The following NRXN2 variants were observed in gnomAD, a reference collection of about 807,000 sequenced individuals.
The protein encoded by NRXN2 is neurexin 2.
NRXN2 carries 29 observed loss-of-function variants against 128.8 expected under a neutral mutation model. That is an observed-to-expected ratio of 0.23 (90% confidence interval 0.17 to 0.31). The LOEUF (loss-of-function observed/expected upper bound fraction) is 0.31. Among genes scored for constraint, NRXN2 ranks in the 10% least tolerant of loss-of-function variants. NRXN2 has a pLI of 1.00. For missense variants in NRXN2, 1,881 were observed against 2,452.6 expected (o/e 0.77, Z 4.92); for synonymous variants, 1,098 against 1,075.2 (o/e 1.02, Z -0.41).
At chr11:64,608,570 A>C (rs2040102553) in intron 22 of NRXN2, among the ~76,000 whole-genome samples, 1 of 151,242 alleles carries the variant, frequency 6.6e-6, no homozygotes, top group Non-Finnish European at 1.5e-5. Context: ...TTACATCAAC[A>C]AATAGGCCGT....
intron 17 of NRXN2, among the ~76,000 whole-genome samples, chr11:64,643,701 C>A (rs1306788978): frequency 2.6e-5 from 4 of 151,802 alleles, no homozygotes; most frequent in South Asian, 2.1e-4. Context: ...GCAGCTCAGC[C>A]GCGCGGCACC....
chr11:64,704,617 CACACACAGAG>C (rs1378345156), intron 2 of NRXN2, among the ~76,000 whole-genome samples: 2 of 110,482 alleles, frequency 1.8e-5, no homozygotes, highest in East Asian at 3.5e-4. Context: ...CACACACACA[CACACACAGAG>C]AGAGAGAGAG....
Position 64,623,167 on chromosome 11 carries a change from A to T in NRXN2, c.3848-89T>A. ...GGAAGAAAAGAAGGAAGCCAAGGAG[A>T]GGAAAGAGGAATGGAGGAGAAAGCC... On this transcript the variant is annotated intron_variant, in intron 20 of 22. Transcript: ENST00000265459. This position sits in a 1 kb window ranked among gnomAD's most constrained non-coding sequence, Gnocchi z 4.9. 1.3e-6 allele frequency: 2 copies of T among 1,492,342 alleles called. No individual in the cohort carries two copies. The highest frequency in any genetic ancestry group is 2.7e-5 in the South Asian group (2 of 75,300). 92.4% of individuals were successfully genotyped at this position (1,492,342 alleles called of 1,614,324 possible). A position where few individuals can be genotyped will look rare whatever the true frequency, so the allele number is the denominator to read the frequency against.
At chr11:64,661,702 T>TC (rs2049054455) in intron 9 of NRXN2, among the ~76,000 whole-genome samples, 1 of 152,154 alleles carries the variant, frequency 6.6e-6, no homozygotes, top group African/African-American at 2.4e-5. Flanking sequence ...TCCTTTATGA[T>TC]CCCATTTTGA....
chr11:64,652,253 C>A, intron 12 of NRXN2, 99 bp from the exon 13 acceptor site: 1 of 1,440,424 alleles, frequency 6.9e-7, no homozygotes, highest in Non-Finnish European at 9.4e-7. Context: ...CATCCCCGCA[C>A]ATGCCACACA....
rs2044082535 is a variant in NRXN2, at chr11:64,632,629, G to C, written c.3586-2056C>G. Among the ~76,000 whole-genome samples the C allele has an allele frequency of 6.6e-6, 1 of 152,192 alleles. No homozygotes were observed. The highest frequency in any genetic ancestry group is 6.5e-5 in the Admixed American group (1 of 15,284). ...AGCCAGGCTGGCAGAGTGCCGGCCA[G>C]GGAGCTGGGAGGCAGGACACCTGGG... On this transcript the variant is annotated intron_variant, in intron 18 of 22. Transcript: ENST00000265459. The surrounding 1 kb of genome is among the most constrained non-coding windows in gnomAD (Gnocchi z 4.2).
In NRXN2 at chr11:64,651,202, A is replaced by G. The variant is rs1379948943; in HGVS notation, c.2918+53T>C. On this transcript the variant is annotated intron_variant, in intron 14 of 22. Transcript: ENST00000265459. The surrounding 1 kb of genome is among the most constrained non-coding windows in gnomAD (Gnocchi z 5.9). ...TAGCCAGGAGAGCTGTATGTGGTTC[A>G]GCAGGGGGAGGGGGCCACCTCCTTG... 15 of 1,610,820 alleles carry G rather than the reference A, an allele frequency of 9.3e-6. No individual in the cohort carries two copies. The African/African-American group carries it at 1.9e-4, about 20-fold the overall frequency.
chr11:64,699,985 G>T (rs1412159389), intron 2 of NRXN2, among the ~76,000 whole-genome samples: 1 of 152,320 alleles, frequency 6.6e-6, no homozygotes, highest in Middle Eastern at 3.4e-3. Flanking sequence ...GCTCAGGAAG[G>T]TGAAACAACC....
intron 6 of NRXN2, among the ~76,000 whole-genome samples, chr11:64,679,303 A>C (rs1381451784): frequency 6.6e-6 from 1 of 152,220 alleles, no homozygotes; most frequent in Non-Finnish European, 1.5e-5. Context: ...CAACTTTATG[A>C]ACAAGATTCC....
intron 19 of NRXN2, among the ~76,000 whole-genome samples, chr11:64,627,395 G>A (rs942586906): frequency 8.1e-6 from 1 of 122,810 alleles, no homozygotes; most frequent in Non-Finnish European, 1.7e-5. Context: ...GACACCCCCC[G>A]CCTTCCTCTG....
intron 4 of NRXN2, 24 bp downstream of exon 4, chr11:64,692,823 C>T (rs2054001264): frequency 2.5e-6 from 4 of 1,613,398 alleles, no homozygotes; most frequent in African/African-American, 1.3e-5. Context: ...CCAATCCAAA[C>T]CAAACCAAAA....
In NRXN2 at chr11:64,652,080, G is replaced by C. The variant is rs2047536195; in HGVS notation, c.2491C>G (p.Arg831Gly). 1 of 1,613,152 alleles carries C rather than the reference G, an allele frequency of 6.2e-7. No individual in the cohort carries two copies. Among genetic ancestry groups the C allele is most frequent in the Non-Finnish European group, 8.5e-7 (1 of 1,179,988 alleles). The part of the protein sequence containing the change: ...NEWHTVRVVR[R>G]GKSLQLSVDN... ...ACAGACAGCTGCAGGCTCTTGCCAC[G>C]CCGGACCACCCTCACCGTGTGCCAC... is the stretch of plus-strand genomic sequence containing the variant. The change falls in exon 13 of 23, where the codon CGT becomes GGT. Residue 831 changes from arginine (R) to glycine (G), a missense_variant. Physicochemically the swap from Arg to Gly is moderately radical, Grantham distance 125. This residue lies in a region of NRXN2 where 997 missense variants were observed against 1,240.8 expected (regional missense o/e 0.80). Coordinates refer to ENST00000265459, the MANE Select transcript of NRXN2 (RefSeq NM_015080.4).
chr11:64,648,236 C>A lies in NRXN2; in HGVS notation c.3386G>T (p.Gly1129Val). ...GCACTCACGATCATTGCAGACAGGGCCTCCATAGGAAGTCATGGTGCAGTC... is the reference window on the plus strand; with the variant it reads ...GCACTCACGATCATTGCAGACAGGGACTCCATAGGAAGTCATGGTGCAGTC... ...TCDCTMTSYGGPVCNDPGTTY... is the reference protein window; with the variant it reads ...TCDCTMTSYGVPVCNDPGTTY... Residue 1129 changes from glycine to valine, a missense_variant, in exon 17 of 23, where the codon GGC (glycine) becomes GTC (valine). By Grantham distance (109) the Gly-to-Val change is moderately radical (BLOSUM62 -3). Coordinates refer to ENST00000265459, the MANE Select transcript of NRXN2 (RefSeq NM_015080.4). This position sits in a 1 kb window ranked among gnomAD's most constrained non-coding sequence, Gnocchi z 4.1. 1 of 1,614,198 alleles carries A rather than the reference C, an allele frequency of 6.2e-7. No homozygotes were observed. Among genetic ancestry groups the A allele is most frequent in the Non-Finnish European group, 8.5e-7 (1 of 1,180,036 alleles).
chr11:64,674,489 T>C (rs546688362), intron 7 of NRXN2, among the ~76,000 whole-genome samples: 4 of 152,090 alleles, frequency 2.6e-5, no homozygotes, highest in Non-Finnish European at 5.9e-5. Context: ...CAGCAGGTTG[T>C]TTGCTTCTTA....
Position 64,697,541 on chromosome 11 carries a change from AG to A in NRXN2, c.748+233del, listed in dbSNP as rs1406426003. On this transcript the variant is annotated intron_variant, in intron 3 of 22. Coordinates refer to ENST00000265459, the MANE Select transcript of NRXN2 (RefSeq NM_015080.4). ...TCCCTAAGTTTCCCTTTCCCTCTCC[AG>A]CGTGGAGAGGGAAAGGAAGAAGAAA... 1.8e-4 allele frequency among the ~76,000 whole-genome samples: 28 copies of A among 151,534 alleles called. 1 individual carries two copies. The South Asian group carries it at 4.4e-3, about 24-fold the overall frequency.
chr11:64,623,175 G>T lies in NRXN2; in HGVS notation c.3848-97C>A. 1 of 1,479,710 alleles carries T rather than the reference G, an allele frequency of 6.8e-7. No individual in the cohort carries two copies. Among genetic ancestry groups the T allele is most frequent in the Non-Finnish European group, 9.0e-7 (1 of 1,113,254 alleles). The allele number at this position is 1,479,710 out of a possible 1,614,324, so 91.7% of individuals were successfully genotyped here. ...AGAAGGAAGCCAAGGAGAGGAAAGA[G>T]GAATGGAGGAGAAAGCCAGTAAGGG... On this transcript the variant is annotated intron_variant, in intron 20 of 22. Transcript: ENST00000265459. This position sits in a 1 kb window ranked among gnomAD's most constrained non-coding sequence, Gnocchi z 4.9.
Position 64,692,849 on chromosome 11 carries a change from T to A in NRXN2, c.776A>T (p.Glu259Val). Residue 259 changes from glutamate to valine, a missense_variant and splice_region_variant, in exon 4 of 23, where the codon GAA (glutamate) becomes GTA (valine). This residue lies in a region of NRXN2 where 997 missense variants were observed against 1,240.8 expected (regional missense o/e 0.80). Transcript: ENST00000265459. Reference sequence around the variant, plus strand: ...CAAACCAAAACTTCAAACCATACCTTCGCTGTTTAACGTCAGGTGAGCCGG... The same window carrying A: ...CAAACCAAAACTTCAAACCATACCTACGCTGTTTAACGTCAGGTGAGCCGG... ...EGPAHLTLNS[E>V]VGSLLFSEGG... 1 of 1,612,490 alleles carries A rather than the reference T, an allele frequency of 6.2e-7. No individual in the cohort carries two copies. Among genetic ancestry groups the A allele is most frequent in the Non-Finnish European group, 8.5e-7 (1 of 1,179,702 alleles).
In NRXN2 at chr11:64,622,890, C is replaced by T. The variant is rs1306950066; in HGVS notation, c.4036G>A (p.Val1346Met). ...HLRLVGEGPSVLLSAETTATT... is the reference protein window; with the variant it reads ...HLRLVGEGPSMLLSAETTATT... ...GCCGTGGTCTCCGCACTGAGCAGCA[C>T]GGACGGCCCCTCCCCCACCAGGCGC... The change falls in exon 21 of 23, where the codon GTG (valine) becomes ATG (methionine). Residue 1346 changes from valine (V) to methionine (M), a missense_variant. This residue lies in a region of NRXN2 where 108 missense variants were observed against 165.2 expected (regional missense o/e 0.65). Transcript: ENST00000265459. The surrounding 1 kb of genome is among the most constrained non-coding windows in gnomAD (Gnocchi z 4.3). The T allele has an allele frequency of 1.2e-6, 2 of 1,612,856 alleles. No individual in the cohort carries two copies. The highest frequency in any genetic ancestry group is 4.5e-5 in the East Asian group (2 of 44,874).
chr11:64,685,830 C>G lies in NRXN2; in HGVS notation c.968G>C (p.Arg323Pro), dbSNP rs781592079. ...EITLAFRTLQRNGLMLHTGKS... is the reference protein window; with the variant it reads ...EITLAFRTLQPNGLMLHTGKS... Reference sequence around the variant, plus strand: ...GCCTGTATGCAGCATCAGGCCGTTGCGTTGCAGGGTGCGGAAGGCCAGTGT... The same window carrying G: ...GCCTGTATGCAGCATCAGGCCGTTGGGTTGCAGGGTGCGGAAGGCCAGTGT... Residue 323 changes from arginine (R) to proline (P), a missense_variant, in exon 6 of 23, where the codon CGC (arginine) becomes CCC (proline). Coordinates refer to ENST00000265459, the MANE Select transcript of NRXN2 (RefSeq NM_015080.4). 6.2e-7 allele frequency: 1 copy of G among 1,614,188 alleles called. No homozygotes were observed. The highest frequency in any genetic ancestry group is 1.1e-5 in the South Asian group (1 of 91,090).
Sources: gnomAD v4.1 joint callset for allele counts (sites outside exome capture counted in the v4.1 genomes callset) on GRCh38, gnomAD v4.1.1 for gene constraint, gnomAD v4.1.1 regional missense constraint, Gnocchi (gnomAD v3.1) non-coding constraint, MANE v1.5 for transcripts, NCBI Gene and HGNC (gene_info 2026-07-23, HGNC 2026-07-21) for gene names.